The following CSF2RA variants were observed in gnomAD, a reference collection of about 807,000 sequenced individuals.
CSF2RA encodes granulocyte-macrophage colony-stimulating factor receptor subunit alpha.
Under a neutral mutation model 51.6 loss-of-function variants are expected in CSF2RA, and 42 were observed. The observed-to-expected ratio is 0.81, with a 90% confidence interval of 0.64 to 1.05. CSF2RA has a LOEUF of 1.05. Ranked by LOEUF, CSF2RA falls within the 50% of genes least tolerant of loss-of-function variation. The pLI is 0.00. For synonymous variants in CSF2RA, 222 were observed against 193.0 expected, an observed-to-expected ratio of 1.15 and a Z score of -1.24; for missense variants, 530 against 501.1, an observed-to-expected ratio of 1.06 and a Z score of -0.55.
intron 1 of CSF2RA, among the ~76,000 whole-genome samples, chrX:1,273,819 C>T (rs1309100897): frequency 6.9e-6 from 1 of 144,656 alleles, no homozygotes; most frequent in African/African-American, 2.6e-5. Flanking sequence ...AGGATGGTCT[C>T]GATCTCCTGG....
intron 10 of CSF2RA, chrX:1,302,817 C>T: frequency 3.1e-6 from 1 of 321,330 alleles, no homozygotes; most frequent in Non-Finnish European, 5.5e-6. Flanking sequence ...CCTCAGCCTC[C>T]TGAGTAGCTA....
chrX:1,300,876 A>G (rs1355764489), intron 10 of CSF2RA, among the ~76,000 whole-genome samples: 1 of 152,096 alleles, frequency 6.6e-6, no homozygotes, highest in African/African-American at 2.4e-5. Context: ...GAGAAGGGCC[A>G]GGTGCAGCGG....
chrX:1,270,695 G>A (rs2088267755), intron 1 of CSF2RA, among the ~76,000 whole-genome samples: 1 of 151,364 alleles, frequency 6.6e-6, no homozygotes, highest in African/African-American at 2.4e-5. Flanking sequence ...AGGAATGGCT[G>A]ACCTCCAGGG....
chrX:1,300,111 G>A (rs2092271413), intron 9 of CSF2RA: 1 of 192,758 alleles, frequency 5.2e-6, no homozygotes, highest in African/African-American at 2.4e-5. Context: ...CCCAACTACT[G>A]GGGAGGCTGA....
chrX:1,323,911 G>C, the CSF2RA span, among the ~76,000 whole-genome samples: 1 of 152,018 alleles, frequency 6.6e-6, no homozygotes, highest in Non-Finnish European at 1.5e-5. Context: ...CTACTCGGGA[G>C]GCTGAGGCAG....
At chrX:1,323,342 C>T in the CSF2RA span, among the ~76,000 whole-genome samples, 1 of 151,520 alleles carries the variant, frequency 6.6e-6, no homozygotes, top group Non-Finnish European at 1.5e-5. Context: ...GGTGAAACCC[C>T]GTCTCAGGGT....
chrX:1,275,347 C>G (rs1269102707), intron 2 of CSF2RA, among the ~76,000 whole-genome samples: 1 of 151,294 alleles, frequency 6.6e-6, no homozygotes, highest in African/African-American at 2.4e-5. Context: ...GCCAAGATCG[C>G]GCCACTGCAC....
rs370920708 is a variant in CSF2RA, at chrX:1,290,518, A to G, written c.646+9A>G. ...GGACACAAAGAAAATAGGTGAGAAT[A>G]ACACATATGATTTTCCTATTGTTTA... On this transcript the variant is annotated intron_variant, in intron 7 of 12. Coordinates refer to ENST00000381529, the MANE Select transcript of CSF2RA (RefSeq NM_172245.4). The G allele has an allele frequency of 5.1e-5, 82 of 1,612,694 alleles. 1 individual carries two copies. In the African/African-American group the frequency reaches 7.7e-4, roughly 15 times the overall value.
At chrX:1,289,464 GTTTTGTTTTGTGTTTCT>G (rs1386444577) in intron 6 of CSF2RA, among the ~76,000 whole-genome samples, 4 of 151,990 alleles carry the variant, frequency 2.6e-5, no homozygotes, top group African/African-American at 9.6e-5. Context: ...TGTGTTTTTT[GTTTTGTTTTGTGTTTCT>G]TTTTGTTTTG....
intron 2 of CSF2RA, 50 bp from the exon 3 acceptor site, chrX:1,282,628 T>C (rs767061762): frequency 1.5e-6 from 2 of 1,335,142 alleles, no homozygotes; most frequent in South Asian, 1.2e-5. Flanking sequence ...CTGCCAGGAA[T>C]GTCCTGGGAG....
intron 6 of CSF2RA, 52 bp from the exon 7 acceptor site, chrX:1,290,265 TTGTTTTGTTTTGTGTTTTTG>T: frequency 1.6e-6 from 2 of 1,248,332 alleles, no homozygotes; most frequent in Non-Finnish European, 1.2e-6. Flanking sequence ...GTGTTTGTTT[TTGTTTTGTTTTGTGTTTTTG>T]TGTTTTGTTT....
chrX:1,299,693 G>A (rs769776980), intron 9 of CSF2RA, among the ~76,000 whole-genome samples: 174 of 152,260 alleles, frequency 1.1e-3, no homozygotes, highest in Middle Eastern at 6.8e-3. Flanking sequence ...TGAGGTGGGC[G>A]GATCACTTGA....
In CSF2RA at chrX:1,309,354, A is replaced by G. The variant is rs1251300108; in HGVS notation, c.1126-48A>G. 4 of 1,571,712 alleles carry G rather than the reference A, an allele frequency of 2.5e-6. No homozygotes were observed. In the African/African-American group the frequency reaches 4.1e-5, roughly 16 times the overall value. On this transcript the variant is annotated intron_variant, in intron 12 of 12. Coordinates refer to ENST00000381529, the MANE Select transcript of CSF2RA (RefSeq NM_172245.4). Reference sequence around the variant, plus strand: ...AAATAAACACAGCCCACTGAGTCCCAGGCTGAGCTCGTGAAGATCTGACAG... The same window carrying G: ...AAATAAACACAGCCCACTGAGTCCCGGGCTGAGCTCGTGAAGATCTGACAG...
chrX:1,307,842 C>T (rs1349786576), intron 12 of CSF2RA, among the ~76,000 whole-genome samples: 3 of 139,824 alleles, frequency 2.1e-5, no homozygotes, highest in African/African-American at 5.0e-5. Context: ...CCCTTTAGAC[C>T]TTTGACTGAT....
In CSF2RA at chrX:1,309,842, C is replaced by T. The variant is rs748269157; in HGVS notation, c.*363C>T. The T allele has an allele frequency of 4.1e-4, 247 of 601,514 alleles. 3 individuals carry two copies. In the South Asian group the frequency reaches 4.8e-3, roughly 12 times the overall value. The allele number at this position is 601,514 out of a possible 1,614,324, so 37.3% of individuals were successfully genotyped here. A position where few individuals can be genotyped will look rare whatever the true frequency, so the allele number is the denominator to read the frequency against. On this transcript the variant is annotated 3_prime_UTR_variant, in exon 13 of 13. Transcript: ENST00000381529. ...GGCGGAGGTTGTAGTGAGCCAAGATCGCACCATTGCACACCAACCTGCGTG... is the reference window on the plus strand; with the variant it reads ...GGCGGAGGTTGTAGTGAGCCAAGATTGCACCATTGCACACCAACCTGCGTG...
At chrX:1,324,275 C>T in the CSF2RA span, among the ~76,000 whole-genome samples, 1 of 148,866 alleles carries the variant, frequency 6.7e-6, no homozygotes, top group African/African-American at 2.5e-5. Flanking sequence ...TGGAGGATCA[C>T]TTGAGGTCAG....
intron 2 of CSF2RA, 71 bp from the exon 3 acceptor site, chrX:1,282,607 C>T (rs2090178976): frequency 3.5e-6 from 4 of 1,146,046 alleles, no homozygotes; most frequent in East Asian, 2.3e-5. Flanking sequence ...AAATCACCTC[C>T]CTGGGGTCCC....
chrX:1,324,137 A>G, the CSF2RA span, among the ~76,000 whole-genome samples: 1 of 151,788 alleles, frequency 6.6e-6, no homozygotes, highest in African/African-American at 2.4e-5. Context: ...GTAAGCTAAG[A>G]TCACGCCGCT....
chrX:1,293,489 G>T (rs1300143865), intron 7 of CSF2RA, among the ~76,000 whole-genome samples: 1 of 147,308 alleles, frequency 6.8e-6, no homozygotes, highest in African/African-American at 2.5e-5. Flanking sequence ...AAAGTGCTGG[G>T]ATTACAGGCG....
Sources: allele counts gnomAD v4.1 joint callset (sites outside exome capture counted in the v4.1 genomes callset), GRCh38; gene constraint gnomAD v4.1.1; transcripts MANE v1.5; gene names NCBI Gene and HGNC (gene_info 2026-07-23, HGNC 2026-07-21).